Variants in SMAP1 observed in about 807,000 individuals in gnomAD.
The protein encoded by SMAP1 is stromal membrane-associated protein 1.
A neutral mutation model predicts 58.5 loss-of-function variants in SMAP1; 24 were observed. That is an observed-to-expected ratio of 0.41 (90% CI 0.30 to 0.58). SMAP1 has a LOEUF of 0.58. Ranked by LOEUF, SMAP1 falls within the 20% of genes least tolerant of loss-of-function variation. SMAP1 has a pLI of 0.29. For synonymous variants in SMAP1, 216 were observed against 196.6 expected (o/e 1.10, Z -0.82); for missense variants, 563 against 566.3 (o/e 0.99, Z 0.06).
chr6:70,851,767 G>GT (rs1348294042), intron 7 of SMAP1, among the ~76,000 whole-genome samples: 2 of 152,240 alleles, frequency 1.3e-5, no homozygotes, highest in South Asian at 2.1e-4. Flanking sequence ...TTTAAAAACT[G>GT]TTTTTTAATT....
intron 6 of SMAP1, among the ~76,000 whole-genome samples, chr6:70,822,760 C>T (rs1769943942): frequency 6.6e-6 from 1 of 151,980 alleles, no homozygotes; most frequent in Admixed American, 6.5e-5. Context: ...TCTTCTCCAT[C>T]TGGTATTTCC....
At chr6:70,850,427 A>AT (rs1435109555) in intron 7 of SMAP1, among the ~76,000 whole-genome samples, 1 of 152,050 alleles carries the variant, frequency 6.6e-6, no homozygotes, top group Non-Finnish European at 1.5e-5. Flanking sequence ...ATAGTTGCTT[A>AT]TATTCAGCTT....
At chr6:70,756,707 A>G (rs1167926892) in intron 3 of SMAP1, among the ~76,000 whole-genome samples, 2 of 152,162 alleles carry the variant, frequency 1.3e-5, no homozygotes, top group Non-Finnish European at 2.9e-5. Flanking sequence ...AATCACAAGC[A>G]TTCTTATACA....
chr6:70,767,483 T>A (rs914238911), intron 3 of SMAP1, among the ~76,000 whole-genome samples: 1 of 152,196 alleles, frequency 6.6e-6, no homozygotes, highest in African/African-American at 2.4e-5. Context: ...TAAGTTGGAT[T>A]CCTAAGTATT....
chr6:70,791,425 A>T (rs1000251059), intron 4 of SMAP1, among the ~76,000 whole-genome samples: 2 of 152,184 alleles, frequency 1.3e-5, no homozygotes, highest in African/African-American at 4.8e-5. Flanking sequence ...GTATGATCTT[A>T]TCTGACTACA....
intron 6 of SMAP1, among the ~76,000 whole-genome samples, chr6:70,804,579 T>C (rs986844852): frequency 3.9e-5 from 6 of 152,214 alleles, no homozygotes; most frequent in African/African-American, 1.4e-4. Flanking sequence ...TTGATGCAGT[T>C]TCTTCATAGC....
At chr6:70,720,795 CA>C (rs1355730206) in intron 1 of SMAP1, among the ~76,000 whole-genome samples, 1 of 152,174 alleles carries the variant, frequency 6.6e-6, no homozygotes, top group Non-Finnish European at 1.5e-5. Context: ...CACAGGGCAC[CA>C]AGTCCCTAGG....
chr6:70,860,521 A>ATT lies in SMAP1; in HGVS notation c.*188_*189insTT. The ATT allele has an allele frequency of 3.6e-6, 2 of 550,946 alleles. No homozygotes were observed. The highest frequency in any genetic ancestry group is 2.8e-6 in the Non-Finnish European group (1 of 354,446). The allele number at this position is 550,946 out of a possible 1,614,324, so 34.1% of individuals were successfully genotyped here. A position where few individuals can be genotyped will look rare whatever the true frequency, so the allele number is the denominator to read the frequency against. The stretch of plus-strand genomic sequence containing the variant: ...GATGTGGTGAAAAGCAGGTTGATAA[A>ATT]TCATTTTATGTCAAGGGCAGCTTTG... On this transcript the variant is annotated 3_prime_UTR_variant, in exon 11 of 11. Coordinates refer to ENST00000370455, the MANE Select transcript of SMAP1 (RefSeq NM_001044305.3).
intron 1 of SMAP1, among the ~76,000 whole-genome samples, chr6:70,699,195 T>G (rs1343382697): frequency 6.6e-6 from 1 of 152,158 alleles, no homozygotes; most frequent in Non-Finnish European, 1.5e-5. Flanking sequence ...TCTGAGAGAA[T>G]TCCCTGGATT....
chr6:70,806,250 A>C (rs1396260561), intron 6 of SMAP1, among the ~76,000 whole-genome samples: 1 of 152,226 alleles, frequency 6.6e-6, no homozygotes, highest in African/African-American at 2.4e-5. Flanking sequence ...GCGGCTTCAC[A>C]GTTTGATCTC....
In SMAP1 at chr6:70,697,475, T is replaced by G. The variant is rs1767455756; in HGVS notation, c.118+29334T>G. Among the ~76,000 whole-genome samples the G allele has an allele frequency of 2.0e-5, 3 of 151,956 alleles. No individual in the cohort carries two copies. The South Asian group carries it at 6.2e-4, about 32-fold the overall frequency. On this transcript the variant is annotated intron_variant, in intron 1 of 10. Coordinates refer to ENST00000370455, the MANE Select transcript of SMAP1 (RefSeq NM_001044305.3). Reference sequence around the variant, plus strand: ...TGCCCACCACCACACCCAGCTAATTTTTTTGTATTTTTAGTAGAGACGGGT... The same window carrying G: ...TGCCCACCACCACACCCAGCTAATTGTTTTGTATTTTTAGTAGAGACGGGT...
chr6:70,764,350 C>G (rs568393373), intron 3 of SMAP1, among the ~76,000 whole-genome samples: 3 of 152,192 alleles, frequency 2.0e-5, no homozygotes, highest in Non-Finnish European at 4.4e-5. Context: ...GGAGACTAAA[C>G]AGCCTTCTGT....
intron 3 of SMAP1, 38 bp from the exon 4 acceptor site, chr6:70,773,312 A>C (rs539818326): frequency 7.6e-7 from 1 of 1,307,320 alleles, no homozygotes; most frequent in Non-Finnish European, 1.1e-6. Flanking sequence ...TGTACATATC[A>C]CTGAATTCAT....
intron 6 of SMAP1, among the ~76,000 whole-genome samples, chr6:70,812,980 C>T (rs1326131425): frequency 6.6e-6 from 1 of 151,736 alleles, no homozygotes; most frequent in Non-Finnish European, 1.5e-5. Flanking sequence ...GCAGTTTTCC[C>T]TTATTATAAA....
intron 2 of SMAP1, 101 bp from the exon 3 acceptor site, chr6:70,754,879 T>C (rs1766420389): frequency 1.7e-6 from 1 of 586,190 alleles, no homozygotes; most frequent in Admixed American, 2.6e-5. Context: ...TTGGAAATAA[T>C]AAATTATTTG....
intron 3 of SMAP1, among the ~76,000 whole-genome samples, chr6:70,765,867 G>T (rs949502324): frequency 1.3e-5 from 2 of 151,624 alleles, no homozygotes; most frequent in African/African-American, 2.4e-5. Flanking sequence ...TTAGCATTAG[G>T]TATATCTCCT....
intron 6 of SMAP1, among the ~76,000 whole-genome samples, chr6:70,800,003 A>G (rs1258147478): frequency 1.3e-5 from 2 of 152,202 alleles, no homozygotes; most frequent in African/African-American, 4.8e-5. Flanking sequence ...TTGATTACAG[A>G]ATGAGGCCCA....
chr6:70,767,157 G>A (rs569526731), intron 3 of SMAP1, among the ~76,000 whole-genome samples: 76 of 152,162 alleles, frequency 5.0e-4, no homozygotes, highest in African/African-American at 1.5e-3. Flanking sequence ...TAGCCTTGTA[G>A]TATAGTTTGA....
At chr6:70,752,104 T>C (rs562757158) in intron 2 of SMAP1, among the ~76,000 whole-genome samples, 2 of 152,238 alleles carry the variant, frequency 1.3e-5, no homozygotes, top group African/African-American at 4.8e-5. Context: ...TAGATACTTA[T>C]TTTGACTAGC....
Sources: gnomAD v4.1 joint callset for allele counts (sites outside exome capture counted in the v4.1 genomes callset) on GRCh38, gnomAD v4.1.1 for gene constraint, MANE v1.5 for transcripts, NCBI Gene and HGNC (gene_info 2026-07-23, HGNC 2026-07-21) for gene names.